Variants in FGF12 observed in about 807,000 individuals in gnomAD.
FGF12 encodes fibroblast growth factor 12B.
In FGF12, 14 loss-of-function variants were observed where a neutral mutation model predicts 23.6. That is an observed-to-expected ratio of 0.59 (90% CI 0.39 to 0.93). The LOEUF (loss-of-function observed/expected upper bound fraction) is 0.93, where lower values mean the gene tolerates loss of function less well. FGF12 is among the 40% of genes least tolerant of loss of function. The pLI is 0.00. For missense variants in FGF12, 175 were observed against 217.8 expected, an observed-to-expected ratio of 0.80 and a Z score of 1.24; for synonymous variants, 62 against 77.3, an observed-to-expected ratio of 0.80 and a Z score of 1.04.
At chr3:192,462,941 T>C (rs1209967941) in intron 2 of FGF12, among the ~76,000 whole-genome samples, 1 of 152,134 alleles carries the variant, frequency 6.6e-6, no homozygotes, top group African/African-American at 2.4e-5. Context: ...ATATTAAAAA[T>C]ATGATGTACG....
rs770781442 is a variant in FGF12 at position 192,714,513 on chromosome 3, A to ATTTTTTTT, written c.13+12660_13+12667dup. The stretch of plus-strand genomic sequence containing the variant: ...CTTATTTATAGATCTTAAGGAAATA[A>ATTTTTTTT]TTTTTTTTTTTTTTTTTTTTTTTGA... On this transcript the variant is annotated intron_variant, in intron 2 of 5. Transcript: ENST00000445105. Among the ~76,000 whole-genome samples the ATTTTTTTT allele has an allele frequency of 2.6e-4, 26 of 99,746 alleles. 1 individual carries two copies. Among genetic ancestry groups the ATTTTTTTT allele is most frequent in the African/African-American group, 7.6e-4 (18 of 23,680 alleles). 65.4% of individuals were successfully genotyped at this position (99,746 alleles called of 152,430 possible). A position where few individuals can be genotyped will look rare whatever the true frequency, so the allele number is the denominator to read the frequency against.
intron 4 of FGF12, among the ~76,000 whole-genome samples, chr3:192,256,695 TA>T (rs1288034535): frequency 3.3e-5 from 5 of 152,256 alleles, no homozygotes; most frequent in Admixed American, 3.3e-4. Flanking sequence ...GGCAACAGCA[TA>T]AAAATAGTAA....
At chr3:192,467,577 T>A (rs938477028) in intron 2 of FGF12, among the ~76,000 whole-genome samples, 1 of 152,308 alleles carries the variant, frequency 6.6e-6, no homozygotes, top group East Asian at 1.9e-4. Flanking sequence ...TATTCACAGG[T>A]TGGCTGCCTC....
chr3:192,247,224 G>A (rs796759977), intron 4 of FGF12, among the ~76,000 whole-genome samples: 27 of 152,230 alleles, frequency 1.8e-4, no homozygotes, highest in African/African-American at 6.3e-4. Flanking sequence ...AAATCTGTAG[G>A]CATGCTTGCA....
intron 2 of FGF12, among the ~76,000 whole-genome samples, chr3:192,583,664 G>A (rs889978562): frequency 2.0e-5 from 3 of 152,132 alleles, no homozygotes; most frequent in Non-Finnish European, 2.9e-5. Context: ...GAAGAGCAAC[G>A]TCACAGTCTT....
chr3:192,659,969 C>T (rs1300347089), intron 2 of FGF12, among the ~76,000 whole-genome samples: 1 of 152,010 alleles, frequency 6.6e-6, no homozygotes, highest in Non-Finnish European at 1.5e-5. Flanking sequence ...TGTTCATATC[C>T]TTCATGATTT....
intron 4 of FGF12, among the ~76,000 whole-genome samples, chr3:192,211,479 G>A (rs1180274774): frequency 1.4e-5 from 2 of 145,890 alleles, no homozygotes; most frequent in Non-Finnish European, 3.0e-5. Context: ...AGGCTGGAGT[G>A]CAGCGGCGCA....
chr3:192,669,602 T>TAAAAAAAAAAA (rs59897483), intron 2 of FGF12, among the ~76,000 whole-genome samples: 8 of 59,526 alleles, frequency 1.3e-4, no homozygotes, highest in South Asian at 7.2e-4. Context: ...GACTCTGTCT[T>TAAAAAAAAAAA]AAAAAAAAAA....
At chr3:192,287,505 C>T (rs1275060714) in intron 4 of FGF12, among the ~76,000 whole-genome samples, 2 of 151,994 alleles carry the variant, frequency 1.3e-5, no homozygotes, top group Non-Finnish European at 2.9e-5. Flanking sequence ...AGACTAGAAG[C>T]AGCAACCATG....
chr3:192,443,747 C>A (rs1028619996), intron 2 of FGF12, among the ~76,000 whole-genome samples: 3 of 152,172 alleles, frequency 2.0e-5, no homozygotes, highest in Admixed American at 6.5e-5. Flanking sequence ...CTTTGCTTTA[C>A]CCTTTTCACA....
intron 2 of FGF12, among the ~76,000 whole-genome samples, chr3:192,690,070 AAG>A (rs1464988818): frequency 5.3e-5 from 8 of 152,090 alleles, no homozygotes; most frequent in Admixed American, 2.0e-4. Flanking sequence ...TCTTTCAGAA[AAG>A]AGGGAGAAAA....
chr3:192,632,754 G>A (rs1385509792), intron 2 of FGF12, among the ~76,000 whole-genome samples: 2 of 152,156 alleles, frequency 1.3e-5, no homozygotes, highest in African/African-American at 2.4e-5. Flanking sequence ...AGGTGTATTT[G>A]TTTCCTAGGG....
At chr3:192,695,872 G>A (rs948336694) in intron 2 of FGF12, among the ~76,000 whole-genome samples, 37 of 152,154 alleles carry the variant, frequency 2.4e-4, no homozygotes, top group Non-Finnish European at 2.1e-4. Context: ...GCCATGGAGG[G>A]TGGATCACTT....
At chr3:192,355,308 G>A (rs1718418959) in intron 3 of FGF12, among the ~76,000 whole-genome samples, 1 of 152,158 alleles carries the variant, frequency 6.6e-6, no homozygotes, top group Non-Finnish European at 1.5e-5. Context: ...AAATCTTGCA[G>A]ATATACATTT....
At chr3:192,584,740 C>T (rs1713302790) in intron 2 of FGF12, among the ~76,000 whole-genome samples, 1 of 152,128 alleles carries the variant, frequency 6.6e-6, no homozygotes, top group African/African-American at 2.4e-5. Context: ...CTGTGATCAG[C>T]TTCTAAGATT....
chr3:192,388,975 A>G (rs1321460500), intron 2 of FGF12, among the ~76,000 whole-genome samples: 1 of 152,288 alleles, frequency 6.6e-6, no homozygotes, highest in East Asian at 1.9e-4. Context: ...AGAAGCCAAA[A>G]AATAAAAAGG....
chr3:192,375,926 TCTGA>T, intron 2 of FGF12, among the ~76,000 whole-genome samples: 1 of 152,328 alleles, frequency 6.6e-6, no homozygotes, highest in Admixed American at 6.5e-5. Flanking sequence ...GTCTTTTCTC[TCTGA>T]CTTCTTTTAA....
chr3:192,627,260 C>T (rs970843116), intron 2 of FGF12, among the ~76,000 whole-genome samples: 1 of 151,814 alleles, frequency 6.6e-6, no homozygotes, highest in African/African-American at 2.4e-5. Flanking sequence ...TTGTACTTAA[C>T]ATTGTCTCAG....
At chr3:192,676,161 C>A (rs1717320247) in intron 2 of FGF12, among the ~76,000 whole-genome samples, 1 of 152,174 alleles carries the variant, frequency 6.6e-6, no homozygotes, top group Non-Finnish European at 1.5e-5. Flanking sequence ...TGACTCAGTT[C>A]TTCCTCCCCT....
Sources: allele counts gnomAD v4.1 joint callset (sites outside exome capture counted in the v4.1 genomes callset), GRCh38; gene constraint gnomAD v4.1.1; transcripts MANE v1.5; gene names NCBI Gene and HGNC (gene_info 2026-07-23, HGNC 2026-07-21).